Variants in TMEM167A observed in about 807,000 individuals in gnomAD.
The protein encoded by TMEM167A is transmembrane protein 167A, also known as protein kish-A.
A neutral mutation model predicts 11.6 loss-of-function variants in TMEM167A; 8 were observed. That is an observed-to-expected ratio of 0.69 (90% confidence interval 0.40 to 1.24). The LOEUF is 1.24. Among genes scored for constraint, TMEM167A ranks in the 50% most tolerant of loss-of-function variants. The pLI is 0.01. For synonymous variants in TMEM167A, 22 were observed against 28.0 expected, an observed-to-expected ratio of 0.79 and a Z score of 0.67; for missense variants, 62 against 87.0, an observed-to-expected ratio of 0.71 and a Z score of 1.14.
Position 83,055,808 on chromosome 5 carries a change from T to G in TMEM167A, c.*1276A>C, listed in dbSNP as rs1360290858. The G allele has an allele frequency of 1.3e-5, 2 of 151,764 alleles. No homozygotes were observed. The highest frequency in any genetic ancestry group is 2.9e-5 in the Non-Finnish European group (2 of 67,914). 9.4% of individuals were successfully genotyped at this position (151,764 alleles called of 1,614,324 possible). ...AGCCTATTAATCTAGAAATAATTTT[T>G]TTTGTTTAAAAAAAGGGAGAGTTTC... On this transcript the variant is annotated 3_prime_UTR_variant, in exon 4 of 4. Transcript: ENST00000502346.
chr5:83,057,895 GA>G (rs1744355208), intron 3 of TMEM167A, among the ~76,000 whole-genome samples: 1 of 152,026 alleles, frequency 6.6e-6, no homozygotes, highest in Non-Finnish European at 1.5e-5. Flanking sequence ...ATGTCATTGT[GA>G]GTTAACTCAA....
intron 2 of TMEM167A, among the ~76,000 whole-genome samples, chr5:83,063,267 C>A (rs1744432324): frequency 6.6e-6 from 1 of 151,962 alleles, no homozygotes; most frequent in Non-Finnish European, 1.5e-5. Context: ...ACAAAAGGAC[C>A]CACCCTCAAA....
chr5:83,076,319 C>T (rs1430884069), intron 1 of TMEM167A, among the ~76,000 whole-genome samples: 1 of 152,186 alleles, frequency 6.6e-6, no homozygotes, highest in Non-Finnish European at 1.5e-5. Flanking sequence ...ACAAGCATGA[C>T]AAGATAGTTT....
At chr5:83,057,258 G>A in intron 3 of TMEM167A, 104 bp from the exon 4 acceptor site, 2 of 1,067,932 alleles carry the variant, frequency 1.9e-6, no homozygotes, top group South Asian at 1.3e-5. Flanking sequence ...TTCCCTAGGA[G>A]GCCCGCACAT....
chr5:83,059,955 G>A (rs111756618), intron 3 of TMEM167A, among the ~76,000 whole-genome samples: 368 of 141,948 alleles, frequency 2.6e-3, no homozygotes, highest in African/African-American at 9.3e-3. Flanking sequence ...CCAGTTTAAG[G>A]TAATGATACT....
chr5:83,069,170 C>T (rs1330458814), intron 1 of TMEM167A, among the ~76,000 whole-genome samples: 1 of 152,112 alleles, frequency 6.6e-6, no homozygotes, highest in Non-Finnish European at 1.5e-5. Flanking sequence ...AACAAATAAT[C>T]TTAGGTGGTA....
chr5:83,067,249 C>CAAAAAA (rs144860721), intron 1 of TMEM167A, among the ~76,000 whole-genome samples: 3 of 151,192 alleles, frequency 2.0e-5, no homozygotes, highest in Non-Finnish European at 4.4e-5. Flanking sequence ...ATCTTAAAAA[C>CAAAAAA]AAAAAAATGG....
At chr5:83,059,881 T>G (rs1398150847) in intron 3 of TMEM167A, among the ~76,000 whole-genome samples, 1 of 151,776 alleles carries the variant, frequency 6.6e-6, no homozygotes, top group Non-Finnish European at 1.5e-5. Context: ...ATCAAAGCTG[T>G]CTCTCTATTT....
intron 1 of TMEM167A, among the ~76,000 whole-genome samples, chr5:83,067,249 C>CA (rs144860721): frequency 1.3e-5 from 2 of 151,194 alleles, no homozygotes; most frequent in African/African-American, 4.9e-5. Context: ...ATCTTAAAAA[C>CA]AAAAAAATGG....
rs200516162 is a variant in TMEM167A at position 83,065,624 on chromosome 5, T to C, written c.4-507A>G. ...TGCCAAAATGATGCTAAAAAAAAAA[T>C]GTTCATTGGAGCATTTTGGATTTCT... On this transcript the variant is annotated intron_variant, in intron 1 of 3. Coordinates refer to ENST00000502346, the MANE Select transcript of TMEM167A (RefSeq NM_174909.5). Among the ~76,000 whole-genome samples, 16 of 151,610 alleles carry C rather than the reference T, an allele frequency of 1.1e-4. 1 individual carries two copies. In the South Asian group the frequency reaches 3.1e-3, roughly 30 times the overall value.
rs1744294328 is a variant in TMEM167A, at chr5:83,054,013, A to C, written c.*3071T>G. 6.6e-6 allele frequency: 1 copy of C among 152,052 alleles called. No individual in the cohort carries two copies. The highest frequency in any genetic ancestry group is 2.4e-5 in the African/African-American group (1 of 41,412). The allele number at this position is 152,052 out of a possible 1,614,324, so 9.4% of individuals were successfully genotyped here. Reference sequence around the variant, plus strand: ...TAGAAATATTCTATTTACCAGTGCTAACTCTTTTTCACAAAACCAGGCAGA... The same window carrying C: ...TAGAAATATTCTATTTACCAGTGCTCACTCTTTTTCACAAAACCAGGCAGA... On this transcript the variant is annotated 3_prime_UTR_variant, in exon 4 of 4. Coordinates refer to ENST00000502346, the MANE Select transcript of TMEM167A (RefSeq NM_174909.5).
In TMEM167A at chr5:83,061,866, T is replaced by C. The variant is rs1744411579; in HGVS notation, c.148+11A>G. ...CAGCTGAAGAAATGGAGGGAGATTATAGACACTTACCAATTCTGGCACACT... is the reference window on the plus strand; with the variant it reads ...CAGCTGAAGAAATGGAGGGAGATTACAGACACTTACCAATTCTGGCACACT... On this transcript the variant is annotated intron_variant, in intron 3 of 3. Transcript: ENST00000502346. 12 of 1,609,106 alleles carry C rather than the reference T, an allele frequency of 7.5e-6. No homozygotes were observed. The highest frequency in any genetic ancestry group is 1.1e-5 in the South Asian group (1 of 90,952).
At chr5:83,062,527 T>C (rs1380506895) in intron 2 of TMEM167A, among the ~76,000 whole-genome samples, 6 of 152,096 alleles carry the variant, frequency 3.9e-5, no homozygotes, top group Non-Finnish European at 8.8e-5. Context: ...TTAAAGCACA[T>C]ACTCTGGGAA....
chr5:83,064,449 CATT>C, intron 2 of TMEM167A: 4 of 430,620 alleles, frequency 9.3e-6, no homozygotes, highest in Non-Finnish European at 1.8e-5. Context: ...GGACATTATG[CATT>C]ATATTAGAAT....
rs989646621 is a variant in TMEM167A at position 83,060,606 on chromosome 5, C to T, written c.148+1271G>A. Reference sequence around the variant, plus strand: ...CAGCACTTTGGGAGGCCGAGGCGGGCGGATCACAAGGTCAGGAGTTGGAGA... The same window carrying T: ...CAGCACTTTGGGAGGCCGAGGCGGGTGGATCACAAGGTCAGGAGTTGGAGA... On this transcript the variant is annotated intron_variant, in intron 3 of 3. Transcript: ENST00000502346. 1.5e-3 allele frequency among the ~76,000 whole-genome samples: 222 copies of T among 151,228 alleles called. 2 individuals are homozygous for T. The highest frequency in any genetic ancestry group is 4.8e-3 in the South Asian group (23 of 4,808).
At chr5:83,073,679 T>C (rs1007360538) in intron 1 of TMEM167A, among the ~76,000 whole-genome samples, 4 of 152,182 alleles carry the variant, frequency 2.6e-5, no homozygotes, top group Admixed American at 1.3e-4. Flanking sequence ...CTCTGGGATG[T>C]AGAAGGGAAC....
At chr5:83,065,389 GTTTCT>G (rs1744467026) in intron 1 of TMEM167A, among the ~76,000 whole-genome samples, 1 of 142,164 alleles carries the variant, frequency 7.0e-6, no homozygotes, top group Admixed American at 7.0e-5. Context: ...TGCTAGCTAA[GTTTCT>G]TTTAATTCTG....
At chr5:83,064,011 C>G (rs1000323602) in intron 2 of TMEM167A, among the ~76,000 whole-genome samples, 2 of 151,924 alleles carry the variant, frequency 1.3e-5, no homozygotes, top group African/African-American at 4.8e-5. Context: ...CTCATAAAAA[C>G]ATGTAATTTT....
intron 2 of TMEM167A, chr5:83,064,092 G>A: frequency 3.1e-6 from 1 of 321,748 alleles, no homozygotes; most frequent in Non-Finnish European, 6.0e-6. Context: ...ACATAAAATG[G>A]TGCTTAACAC....
Sources: gnomAD v4.1 joint callset for allele counts (sites outside exome capture counted in the v4.1 genomes callset) on GRCh38, gnomAD v4.1.1 for gene constraint, MANE v1.5 for transcripts, NCBI Gene and HGNC (gene_info 2026-07-23, HGNC 2026-07-21) for gene names.